The following REV3L variants were observed in gnomAD, a reference collection of about 807,000 sequenced individuals.
REV3L encodes REV3 like, DNA directed polymerase zeta catalytic subunit.
A neutral mutation model predicts 299.4 loss-of-function variants in REV3L; 69 were observed. The observed-to-expected ratio is 0.23, with a 90% CI of 0.19 to 0.28. REV3L has a LOEUF of 0.28. REV3L is among the 10% of genes least tolerant of loss of function. The probability of loss-of-function intolerance (pLI) is 1.00; values close to 1 mark genes in which losing one functional copy is unlikely to be tolerated. For missense variants in REV3L, 3,128 were observed against 3,693.8 expected, an observed-to-expected ratio of 0.85 and a Z score of 3.97; for synonymous variants, 1,238 against 1,271.4, an observed-to-expected ratio of 0.97 and a Z score of 0.56.
In REV3L at chr6:111,416,486, C is replaced by T. The variant is rs1435981355; in HGVS notation, c.140-14G>A. 6.3e-7 allele frequency: 1 copy of T among 1,595,240 alleles called. No individual in the cohort carries two copies. On this transcript the variant is annotated splice_polypyrimidine_tract_variant and intron_variant, in intron 1 of 31. Transcript: ENST00000368802. ...ATGTCTTCTGACCTAAAATGTAACA[C>T]ATTATAAAGTTTAGTTTCCAGACAC... is the stretch of plus-strand genomic sequence containing the variant.
Position 111,299,034 on chromosome 6 carries a change from A to ATTAT in REV3L, c.*978_*981dup, listed in dbSNP as rs1463488033. Reference sequence around the variant, plus strand: ...AAAAAAGATGAAGTCACACTGCTATATTATTTTATATTTTATTCAATTTTA... The same window carrying ATTAT: ...AAAAAAGATGAAGTCACACTGCTATATTATTTATTTTATATTTTATTCAATTTTA... On this transcript the variant is annotated 3_prime_UTR_variant, in exon 32 of 32. Transcript: ENST00000368802. 3.9e-5 allele frequency: 6 copies of ATTAT among 152,492 alleles called. No individual in the cohort carries two copies. The highest frequency in any genetic ancestry group is 9.6e-5 in the African/African-American group (4 of 41,562). 9.4% of individuals were successfully genotyped at this position (152,492 alleles called of 1,614,324 possible). A position where few individuals can be genotyped will look rare whatever the true frequency, so the allele number is the denominator to read the frequency against.
rs750337833 is a variant in REV3L at position 111,357,115 on chromosome 6, A to G, written c.7083T>C (p.Tyr2361=). Residue 2361 remains tyrosine (Y), a synonymous_variant, in exon 18 of 32, where the codon TAT becomes TAC. Coordinates refer to ENST00000368802, the MANE Select transcript of REV3L (RefSeq NM_001372078.1). ...CAGATCTAATAAGTAATGGAGTCTGATATCTGATATCTAAAAAACAAACAA... is the reference window on the plus strand; with the variant it reads ...CAGATCTAATAAGTAATGGAGTCTGGTATCTGATATCTAAAAAACAAACAA... ...DKTVFSQDIR[Y]QTPLLIRSGI... 6.6e-7 allele frequency: 1 copy of G among 1,507,912 alleles called. No homozygotes were observed. Among genetic ancestry groups the G allele is most frequent in the Non-Finnish European group, 9.0e-7 (1 of 1,110,716 alleles). 93.4% of individuals were successfully genotyped at this position (1,507,912 alleles called of 1,614,324 possible).
intron 1 of REV3L, among the ~76,000 whole-genome samples, chr6:111,423,169 A>C (rs1785770730): frequency 6.6e-6 from 1 of 152,192 alleles, no homozygotes; most frequent in African/African-American, 2.4e-5. Flanking sequence ...ATGACTATAA[A>C]GCCACTAACT....
chr6:111,403,542 A>G lies in REV3L; in HGVS notation c.565+1928T>C, dbSNP rs186250116. Among the ~76,000 whole-genome samples, 3 of 152,254 alleles carry G rather than the reference A, an allele frequency of 2.0e-5. No homozygotes were observed. In the East Asian group the frequency reaches 5.8e-4, roughly 29 times the overall value. On this transcript the variant is annotated intron_variant, in intron 4 of 31. Transcript: ENST00000368802. ...GTGAACAGTGATCTCTGATGTTACT[A>G]TTGTTAATTGTTTTCAGGTACCACA...
chr6:111,402,184 C>T (rs1783154620), intron 4 of REV3L, among the ~76,000 whole-genome samples: 1 of 152,118 alleles, frequency 6.6e-6, no homozygotes, highest in Non-Finnish European at 1.5e-5. Flanking sequence ...TCTGTCAGAT[C>T]TGAGTCTATT....
intron 26 of REV3L, among the ~76,000 whole-genome samples, chr6:111,319,250 C>G (rs1329340229): frequency 6.6e-6 from 1 of 152,080 alleles, no homozygotes; most frequent in African/African-American, 2.4e-5. Flanking sequence ...ATCACGAGGT[C>G]AGGAGTTCAA....
At chr6:111,419,469 A>T (rs902528129) in intron 1 of REV3L, among the ~76,000 whole-genome samples, 1 of 152,194 alleles carries the variant, frequency 6.6e-6, no homozygotes, top group Non-Finnish European at 1.5e-5. Context: ...ACTTCTATTT[A>T]TTTCCCTCCG....
At chr6:111,418,634 A>G (rs1355883935) in intron 1 of REV3L, among the ~76,000 whole-genome samples, 3 of 152,222 alleles carry the variant, frequency 2.0e-5, no homozygotes, top group Non-Finnish European at 2.9e-5. Flanking sequence ...CTATTAAGCA[A>G]TAGAATCCAG....
Position 111,381,457 on chromosome 6 carries a change from A to G in REV3L, c.1097-13T>C. ...TGTCTAGTGTGACCTTAATTTGACA[A>G]AGAATAAAAAAAATTGAAGCAATGG... On this transcript the variant is annotated splice_polypyrimidine_tract_variant and intron_variant, in intron 9 of 31. Coordinates refer to ENST00000368802, the MANE Select transcript of REV3L (RefSeq NM_001372078.1). 1.3e-6 allele frequency: 2 copies of G among 1,587,220 alleles called. No homozygotes were observed. The highest frequency in any genetic ancestry group is 1.7e-6 in the Non-Finnish European group (2 of 1,171,260).
rs1043103738 is a variant in REV3L at position 111,375,881 on chromosome 6, T to C, written c.2474A>G (p.Asn825Ser). The C allele has an allele frequency of 8.1e-6, 13 of 1,614,046 alleles. No individual in the cohort carries two copies. The highest frequency in any genetic ancestry group is 1.1e-5 in the Non-Finnish European group (13 of 1,179,922). Residue 825 changes from asparagine to serine, a missense_variant, in exon 13 of 32, where the codon AAT (asparagine) becomes AGT (serine). Physicochemically the swap from Asn to Ser is conservative, Grantham distance 46. Transcript: ENST00000368802. ...ATTCAATTTTAACCGGGATGGTTTA[T>C]TGCCAGGTTGTAATTTATATGTGAC... The part of the protein sequence containing the change: ...SPVTYKLQPG[N>S]KPSRLKLNKR...
At chr6:111,356,861 G>A (rs1778143664) in intron 18 of REV3L, 153 bp downstream of exon 18, 3 of 373,350 alleles carry the variant, frequency 8.0e-6, no homozygotes, top group African/African-American at 2.1e-5. Flanking sequence ...TGGGAAGTGA[G>A]TATAAAATCT....
Position 111,374,085 on chromosome 6 carries a change from C to T in REV3L, c.4270G>A (p.Asp1424Asn), listed in dbSNP as rs1237714528. 6.2e-7 allele frequency: 1 copy of T among 1,614,094 alleles called. No homozygotes were observed. Among genetic ancestry groups the T allele is most frequent in the Non-Finnish European group, 8.5e-7 (1 of 1,179,952 alleles). ...ATGCACACAATCTGCTGCTGACTGTCTTTGCAATGCAAAAAATTAGGGGTA... is the reference window on the plus strand; with the variant it reads ...ATGCACACAATCTGCTGCTGACTGTTTTTGCAATGCAAAAAATTAGGGGTA... ...AYTPNFLHCK[D>N]SQQQIVCIAE... Residue 1424 changes from aspartate to asparagine, a missense_variant, in exon 13 of 32, where the codon GAC (aspartate) becomes AAC (asparagine). By Grantham distance (23) the Asp-to-Asn change is conservative (BLOSUM62 1). This residue lies in a region of REV3L where 2,409 missense variants were observed against 2,611.8 expected (regional missense o/e 0.92). Transcript: ENST00000368802.
At chr6:111,332,971 G>A in intron 23 of REV3L, 152 bp downstream of exon 23, 1 of 864,582 alleles carries the variant, frequency 1.2e-6, no homozygotes, top group Non-Finnish European at 1.7e-6. Flanking sequence ...CAATTGGTAA[G>A]ACAACTATAA....
rs149826562 is a variant in REV3L at position 111,339,687 on chromosome 6, C to T, written c.7539-4077G>A. On this transcript the variant is annotated intron_variant, in intron 21 of 31. Transcript: ENST00000368802. Reference sequence around the variant, plus strand: ...TGATCTAAATCTGCTGACCTATAGGCATGAATATAAAAAATACTTTGAATG... The same window carrying T: ...TGATCTAAATCTGCTGACCTATAGGTATGAATATAAAAAATACTTTGAATG... 2.4e-4 allele frequency among the ~76,000 whole-genome samples: 37 copies of T among 152,072 alleles called. 1 individual carries two copies. The East Asian group carries it at 6.6e-3, about 27-fold the overall frequency.
chr6:111,306,752 T>A (rs555233644), intron 31 of REV3L, among the ~76,000 whole-genome samples: 1 of 152,334 alleles, frequency 6.6e-6, no homozygotes, highest in East Asian at 1.9e-4. Context: ...CTTCCAAGTT[T>A]ACTAGCAAGC....
At chr6:111,331,002 G>T in intron 24 of REV3L, 1 of 985,260 alleles carries the variant, frequency 1.0e-6, no homozygotes, top group South Asian at 4.7e-5. Flanking sequence ...GGCTGGTGGG[G>T]TCCACTCTAC....
At chr6:111,334,327 G>A (rs465969) in intron 22 of REV3L, among the ~76,000 whole-genome samples, 13,227 of 152,200 alleles carry the variant, frequency 0.087, 613 homozygotes, top group Admixed American at 0.11. Context: ...GAAGTTGGTT[G>A]ATAATCCTGG....
intron 1 of REV3L, among the ~76,000 whole-genome samples, chr6:111,422,677 T>TAC (rs1785682403): frequency 2.7e-5 from 1 of 37,300 alleles, no homozygotes; most frequent in Admixed American, 3.5e-4. Context: ...TATATATATA[T>TAC]ACGTATATAT....
At position 111,351,657 on chromosome 6, in the gene REV3L, C is replaced by A; in HGVS notation, c.7300+19G>T. 6.4e-7 allele frequency: 1 copy of A among 1,572,062 alleles called. No individual in the cohort carries two copies. Among genetic ancestry groups the A allele is most frequent in the Non-Finnish European group, 8.7e-7 (1 of 1,145,514 alleles). On this transcript the variant is annotated intron_variant, in intron 19 of 31. Transcript: ENST00000368802. ...TTTGCTCTGTAGTTGAATGACAAAA[C>A]ATTCACAATGACACATACCTGGCAC...
Sources: gnomAD v4.1 joint callset for allele counts (sites outside exome capture counted in the v4.1 genomes callset) on GRCh38, gnomAD v4.1.1 for gene constraint, gnomAD v4.1.1 regional missense constraint, MANE v1.5 for transcripts, NCBI Gene and HGNC (gene_info 2026-07-23, HGNC 2026-07-21) for gene names.